Variants in FSTL5 observed in about 807,000 individuals in gnomAD.
FSTL5 encodes the protein follistatin-related protein 5.
FSTL5 carries 62 observed loss-of-function variants against 89.1 expected under a neutral mutation model. The ratio of observed to expected loss-of-function variants is 0.70; its 90% CI spans 0.57 to 0.86. The LOEUF is 0.86. Ranked by LOEUF, FSTL5 falls within the 40% of genes least tolerant of loss-of-function variation. The pLI, the probability that FSTL5 is intolerant of heterozygous loss-of-function variation, is 0.00. For synonymous variants in FSTL5, 383 were observed against 346.2 expected (o/e 1.11, Z -1.18); for missense variants, 1,057 against 1,001.6 (o/e 1.06, Z -0.75).
chr4:161,530,417 G>A (rs971026695), intron 10 of FSTL5, among the ~76,000 whole-genome samples: 8 of 113,886 alleles, frequency 7.0e-5, no homozygotes, highest in African/African-American at 1.5e-4. Flanking sequence ...ATTTATTTAC[G>A]CAAATAATCT....
chr4:162,106,396 GCAAA>G (rs540522330), intron 2 of FSTL5, among the ~76,000 whole-genome samples: 215 of 152,242 alleles, frequency 1.4e-3, no homozygotes, highest in African/African-American at 5.0e-3. Context: ...ATAATCATCA[GCAAA>G]CAATGTAGCA....
chr4:161,743,603 A>G (rs1231730997), intron 6 of FSTL5, among the ~76,000 whole-genome samples: 1 of 152,038 alleles, frequency 6.6e-6, no homozygotes, highest in African/African-American at 2.4e-5. Context: ...GGATATTGAT[A>G]GGGATTGCAT....
At chr4:162,011,557 G>A (rs184268379) in intron 3 of FSTL5, among the ~76,000 whole-genome samples, 12 of 151,864 alleles carry the variant, frequency 7.9e-5, no homozygotes, top group South Asian at 2.1e-4. Flanking sequence ...GCAGTGGTGC[G>A]ATTTTGGCTC....
At chr4:161,765,225 T>C (rs1351989290) in intron 5 of FSTL5, among the ~76,000 whole-genome samples, 1 of 152,178 alleles carries the variant, frequency 6.6e-6, no homozygotes, top group Non-Finnish European at 1.5e-5. Flanking sequence ...AGGGATGATC[T>C]GGACAAACAT....
intron 7 of FSTL5, among the ~76,000 whole-genome samples, chr4:161,588,128 C>T (rs1733681482): frequency 6.6e-6 from 1 of 152,092 alleles, no homozygotes; most frequent in African/African-American, 2.4e-5. Flanking sequence ...GACTTGAGAA[C>T]GTGCCACTGC....
chr4:162,041,854 A>G (rs1737972795), intron 2 of FSTL5: 1 of 152,084 alleles, frequency 6.6e-6, no homozygotes, highest in South Asian at 2.1e-4. Flanking sequence ...TTACATTTAG[A>G]AGTTATATGA....
At chr4:161,630,668 A>T (rs1735472705) in intron 7 of FSTL5, among the ~76,000 whole-genome samples, 1 of 152,218 alleles carries the variant, frequency 6.6e-6, no homozygotes, top group South Asian at 2.1e-4. Flanking sequence ...AAATATTATG[A>T]CTTCAAACTA....
At chr4:162,003,232 T>C (rs376654329) in intron 3 of FSTL5, among the ~76,000 whole-genome samples, 5 of 151,184 alleles carry the variant, frequency 3.3e-5, no homozygotes, top group African/African-American at 4.9e-5. Context: ...AGAATAATAA[T>C]GCATTACCCT....
intron 3 of FSTL5, among the ~76,000 whole-genome samples, chr4:161,960,963 A>G (rs1459589644): frequency 1.2e-4 from 18 of 152,124 alleles, no homozygotes; most frequent in Admixed American, 1.1e-3. Flanking sequence ...TAAAATTTAA[A>G]TTCTCATCCT....
intron 4 of FSTL5, among the ~76,000 whole-genome samples, chr4:161,895,147 A>G (rs1733114964): frequency 1.3e-5 from 2 of 152,224 alleles, no homozygotes; most frequent in Non-Finnish European, 2.9e-5. Flanking sequence ...GCTAATAAGT[A>G]GCAGGAACAC....
At chr4:161,804,501 T>C (rs1729897755) in intron 4 of FSTL5, among the ~76,000 whole-genome samples, 1 of 148,896 alleles carries the variant, frequency 6.7e-6, no homozygotes, top group Admixed American at 6.9e-5. Flanking sequence ...TTAAACAATT[T>C]CCTATATGAT....
At chr4:162,038,733 A>T (rs1737836464) in intron 2 of FSTL5, among the ~76,000 whole-genome samples, 1 of 151,890 alleles carries the variant, frequency 6.6e-6, no homozygotes, top group Admixed American at 6.6e-5. Flanking sequence ...ATTTCTCCTG[A>T]AGAAACACTA....
At chr4:161,480,899 T>G (rs1291388264) in intron 13 of FSTL5, 121 bp downstream of exon 13, 5 of 646,028 alleles carry the variant, frequency 7.7e-6, no homozygotes, top group Non-Finnish European at 1.3e-5. Flanking sequence ...GCATAAATTT[T>G]CTAGTTATCC....
rs114848018 is a variant in FSTL5 at position 161,879,463 on chromosome 4, C to T, written c.409+40941G>A. 1.2e-3 allele frequency among the ~76,000 whole-genome samples: 180 copies of T among 152,288 alleles called. 1 individual carries two copies. Among genetic ancestry groups the T allele is most frequent in the African/African-American group, 4.2e-3 (173 of 41,550 alleles). ...AGCATACTTTCCCAGGCAAAGCATT[C>T]CAGTGACTTCCTTTCACGTAAAGAA... On this transcript the variant is annotated intron_variant, in intron 4 of 15. Transcript: ENST00000306100.
intron 15 of FSTL5, among the ~76,000 whole-genome samples, chr4:161,447,619 C>T (rs1732991552): frequency 6.6e-6 from 1 of 151,924 alleles, no homozygotes; most frequent in African/African-American, 2.4e-5. Flanking sequence ...CAACGTGTGG[C>T]CTGTATTAAT....
Position 161,870,256 on chromosome 4 carries a change from G to T in FSTL5, c.409+50148C>A, listed in dbSNP as rs371101780. ...TGATAAATAATTGTTCTTCTGCTTTGCTTTTGTGTCTGTCTTTTCACAAGA... is the reference window on the plus strand; with the variant it reads ...TGATAAATAATTGTTCTTCTGCTTTTCTTTTGTGTCTGTCTTTTCACAAGA... On this transcript the variant is annotated intron_variant, in intron 4 of 15. Coordinates refer to ENST00000306100, the MANE Select transcript of FSTL5 (RefSeq NM_020116.5). Among the ~76,000 whole-genome samples, 11 of 152,000 alleles carry T rather than the reference G, an allele frequency of 7.2e-5. No individual in the cohort carries two copies. In the East Asian group the frequency reaches 1.5e-3, roughly 21 times the overall value.
chr4:161,497,886 T>C (rs1730140480), intron 12 of FSTL5, among the ~76,000 whole-genome samples: 1 of 151,912 alleles, frequency 6.6e-6, no homozygotes, highest in Non-Finnish European at 1.5e-5. Context: ...CATATTTGGT[T>C]TCTATTTCCT....
At position 162,128,181 on chromosome 4, in the gene FSTL5, C is replaced by T. The variant is rs573864198; in HGVS notation, c.-16-16769G>A. Among the ~76,000 whole-genome samples the T allele has an allele frequency of 4.6e-5, 7 of 152,250 alleles. No homozygotes were observed. In the South Asian group the frequency reaches 1.4e-3, roughly 32 times the overall value. On this transcript the variant is annotated intron_variant, in intron 1 of 15. Transcript: ENST00000306100. ...TGAACTAAACTCTGATTGTATATAA[C>T]TAATTACTTCTAGTAATATGTCTGT...
intron 13 of FSTL5, among the ~76,000 whole-genome samples, chr4:161,479,705 G>A (rs1729433027): frequency 6.6e-6 from 1 of 151,948 alleles, no homozygotes; most frequent in Admixed American, 6.6e-5. Context: ...GTAACCTCAG[G>A]GCCTTAGGGT....
Sources: gnomAD v4.1 joint callset for allele counts (sites outside exome capture counted in the v4.1 genomes callset) on GRCh38, gnomAD v4.1.1 for gene constraint, MANE v1.5 for transcripts, NCBI Gene and HGNC (gene_info 2026-07-23, HGNC 2026-07-21) for gene names.